ADAM33: variants seen among roughly 807,000 people sequenced by gnomAD.
The protein encoded by ADAM33 is ADAM metallopeptidase domain 33.
Under a neutral mutation model 106.2 loss-of-function variants are expected in ADAM33, and 103 were observed. That is an observed-to-expected ratio of 0.97 (90% CI 0.83 to 1.14). The LOEUF (loss-of-function observed/expected upper bound fraction) is 1.14, where lower values mean the gene tolerates loss of function less well. ADAM33 is among the 50% of genes most tolerant of loss of function. The pLI, the probability that ADAM33 is intolerant of heterozygous loss-of-function variation, is 0.00. For missense variants in ADAM33, 1,120 were observed against 1,096.6 expected, an observed-to-expected ratio of 1.02 and a Z score of -0.30; for synonymous variants, 483 against 453.0, an observed-to-expected ratio of 1.07 and a Z score of -0.84.
intron 4 of ADAM33, 33 bp downstream of exon 4, chr20:3,674,994 C>T (rs563748812): frequency 1.1e-4 from 175 of 1,612,946 alleles, no homozygotes; most frequent in Middle Eastern, 6.6e-4. Context: ...GTACCTCTGG[C>T]GGTGCATCCC....
At chr20:3,673,276 G>A (rs749632127) in intron 11 of ADAM33, 78 bp downstream of exon 11, 2 of 1,534,164 alleles carry the variant, frequency 1.3e-6, no homozygotes, top group African/African-American at 1.4e-5. Flanking sequence ...GGAAACTGAG[G>A]GACGACCAAA....
chr20:3,669,267 G>C lies in ADAM33; in HGVS notation c.2404+32C>G, dbSNP rs758884444. 7.1e-6 allele frequency: 11 copies of C among 1,553,532 alleles called. No individual in the cohort carries two copies. In the Admixed American group the frequency reaches 1.3e-4, roughly 19 times the overall value. The stretch of plus-strand genomic sequence containing the variant: ...AGAGGTGGGAGGGTGGGCGATGAGA[G>C]GGGGAGGCTTTGAATCCAGGTCCCT... On this transcript the variant is annotated intron_variant, in intron 21 of 21. Transcript: ENST00000356518.
In ADAM33 at chr20:3,675,986, C is replaced by T. The variant is rs562016356; in HGVS notation, c.255-881G>A. 6.6e-6 allele frequency among the ~76,000 whole-genome samples: 1 copy of T among 152,036 alleles called. No individual in the cohort carries two copies. The highest frequency in any genetic ancestry group is 1.9e-4 in the East Asian group (1 of 5,174). On this transcript the variant is annotated intron_variant, in intron 3 of 21. Coordinates refer to ENST00000356518, the MANE Select transcript of ADAM33 (RefSeq NM_025220.5). This position sits in a 1 kb window ranked among gnomAD's most constrained non-coding sequence, Gnocchi z 4.1. ...CACCCCATTGAAAGGGTAGGGACGT[C>T]GGGAAAATATGGTTGGGCACAGTGG...
Position 3,671,335 on chromosome 20 carries a change from C to G in ADAM33, c.1994G>C (p.Ser665Thr), listed in dbSNP as rs1389933158. 1 of 1,613,676 alleles carries G rather than the reference C, an allele frequency of 6.2e-7. No individual in the cohort carries two copies. The highest frequency in any genetic ancestry group is 1.3e-5 in the African/African-American group (1 of 74,942). The change falls in exon 18 of 22, where the codon AGC becomes ACC. Residue 665 changes from serine to threonine, a missense_variant. Coordinates refer to ENST00000356518, the MANE Select transcript of ADAM33 (RefSeq NM_025220.5). Reference sequence around the variant, plus strand: ...TGGAGCACAGTGGCAGTTATGGTTGCTATTGCAAACCTGCAGAGAAGAGAA... The same window carrying G: ...TGGAGCACAGTGGCAGTTATGGTTGGTATTGCAAACCTGCAGAGAAGAGAA... ...TACHSHGVCN[S>T]NHNCHCAPGW... is the part of the protein sequence containing the mutation.
At chr20:3,669,216 T>G in intron 21 of ADAM33, 83 bp downstream of exon 21, 3 of 1,316,786 alleles carry the variant, frequency 2.3e-6, no homozygotes, top group South Asian at 1.4e-5. Context: ...GAAACCTGAT[T>G]AGGGGGCAGC....
intron 10 of ADAM33, 28 bp from the exon 11 acceptor site, chr20:3,673,524 G>T (rs757691181): frequency 1.5e-5 from 22 of 1,462,506 alleles, no homozygotes; most frequent in Non-Finnish European, 1.9e-5. Flanking sequence ...GGCGGTCACT[G>T]CGGCCGTAGA....
At chr20:3,678,157 A>T (rs41343744) in intron 2 of ADAM33, among the ~76,000 whole-genome samples, 49 of 152,358 alleles carry the variant, frequency 3.2e-4, no homozygotes, top group African/African-American at 1.2e-3. Flanking sequence ...ACCGGGAAAA[A>T]GGCCATACTC....
intron 3 of ADAM33, among the ~76,000 whole-genome samples, chr20:3,676,746 G>A (rs563381246): frequency 6.6e-6 from 1 of 152,208 alleles, no homozygotes; most frequent in African/African-American, 2.4e-5. Flanking sequence ...CTGGGGTGCC[G>A]GCTCATCTTT....
Position 3,681,965 on chromosome 20 carries a change from G to GCAA in ADAM33, c.37_39dup (p.Leu22dup), listed in dbSNP as rs1206304430. ...AGCAGCAGCAGTAGTAGCAGCAGCA[G>GCAA]CAACGGGGTCCCCCGAGCTCTCCGG... On this transcript the variant is annotated inframe_insertion, in exon 1 of 22. Coordinates refer to ENST00000356518, the MANE Select transcript of ADAM33 (RefSeq NM_025220.5). 6.4e-7 allele frequency: 1 copy of GCAA among 1,554,392 alleles called. No homozygotes were observed. The highest frequency in any genetic ancestry group is 2.5e-5 in the East Asian group (1 of 40,278).
chr20:3,673,201 C>T (rs1292272389), intron 11 of ADAM33, 153 bp downstream of exon 11: 11 of 1,526,652 alleles, frequency 7.2e-6, no homozygotes, highest in Non-Finnish European at 9.6e-6. Flanking sequence ...TGAGCTTCTT[C>T]CCTTTAAGCC....
chr20:3,679,644 G>T, intron 1 of ADAM33, 73 bp from the exon 2 acceptor site: 2 of 1,378,346 alleles, frequency 1.5e-6, no homozygotes, highest in South Asian at 1.3e-5. Flanking sequence ...CAGAGGGAGG[G>T]GGGTAGAGGA....
Position 3,675,188 on chromosome 20 carries a change from G to A in ADAM33, c.255-83C>T, listed in dbSNP as rs1394109437. On this transcript the variant is annotated intron_variant, in intron 3 of 21. Transcript: ENST00000356518. The surrounding 1 kb of genome is among the most constrained non-coding windows in gnomAD (Gnocchi z 4.1). Reference sequence around the variant, plus strand: ...TGTCTCCCAGCCTTCCTCCCTAAATGCTAATGGAGCAGCTTTATGAGTGAG... The same window carrying A: ...TGTCTCCCAGCCTTCCTCCCTAAATACTAATGGAGCAGCTTTATGAGTGAG... The A allele has an allele frequency of 1.9e-6, 2 of 1,036,336 alleles. No homozygotes were observed. Among genetic ancestry groups the A allele is most frequent in the Non-Finnish European group, 2.9e-6 (2 of 685,012 alleles). The allele number at this position is 1,036,336 out of a possible 1,614,324, so 64.2% of individuals were successfully genotyped here. A position where few individuals can be genotyped will look rare whatever the true frequency, so the allele number is the denominator to read the frequency against.
At chr20:3,669,766 CAA>C (rs1411409243) in intron 19 of ADAM33, 129 bp from the exon 20 acceptor site, 1 of 844,558 alleles carries the variant, frequency 1.2e-6, no homozygotes, top group Admixed American at 2.0e-5. Flanking sequence ...CCATCTGCTC[CAA>C]GTCACCCTCT....
At chr20:3,671,216 A>G in intron 18 of ADAM33, 21 bp downstream of exon 18, 1 of 1,613,240 alleles carries the variant, frequency 6.2e-7, no homozygotes, top group Non-Finnish European at 8.5e-7. Context: ...GCTCCTGCCC[A>G]CATGCCCCCC....
chr20:3,672,052 C>T, intron 14 of ADAM33, 67 bp from the exon 15 acceptor site: 1 of 1,563,308 alleles, frequency 6.4e-7, no homozygotes, highest in Non-Finnish European at 8.7e-7. Flanking sequence ...CCTCAGTTTC[C>T]CCTGCCCATC....
rs183430480 is a variant in ADAM33, at chr20:3,678,086, A to G, written c.178-943T>C. On this transcript the variant is annotated intron_variant, in intron 2 of 21. Coordinates refer to ENST00000356518, the MANE Select transcript of ADAM33 (RefSeq NM_025220.5). ...TGCCTCCCTGGCCACAGGCCCCACA[A>G]GGCCTCCAGCATGAGCTCATGAGGC... is the stretch of plus-strand genomic sequence containing the variant. Among the ~76,000 whole-genome samples the G allele has an allele frequency of 8.3e-3, 1,262 of 152,210 alleles. 15 individuals carry two copies. Among genetic ancestry groups the G allele is most frequent in the African/African-American group, 0.023 (969 of 41,542 alleles).
chr20:3,680,764 GGTGTGGTGTGGGTGCA>G (rs2088422507), intron 1 of ADAM33, among the ~76,000 whole-genome samples: 1 of 152,224 alleles, frequency 6.6e-6, no homozygotes, highest in African/African-American at 2.4e-5. Flanking sequence ...CCCGGGCACA[GGTGTGGTGTGGGTGCA>G]GTGTGGTGTG....
At chr20:3,678,302 T>C (rs1001371888) in intron 2 of ADAM33, among the ~76,000 whole-genome samples, 6 of 152,212 alleles carry the variant, frequency 3.9e-5, no homozygotes, top group Non-Finnish European at 7.3e-5. Flanking sequence ...CTCTACTCTT[T>C]CTTCTGTACC....
At chr20:3,679,601 G>C (rs769863420) in intron 1 of ADAM33, 30 bp from the exon 2 acceptor site, 3 of 1,580,516 alleles carry the variant, frequency 1.9e-6, no homozygotes, top group African/African-American at 2.7e-5. Flanking sequence ...CAGGGTGAGG[G>C]GGACCTGAGG....
Sources: allele counts gnomAD v4.1 joint callset (sites outside exome capture counted in the v4.1 genomes callset), GRCh38; gene constraint gnomAD v4.1.1; non-coding constraint Gnocchi (gnomAD v3.1); transcripts MANE v1.5; gene names NCBI Gene and HGNC (gene_info 2026-07-23, HGNC 2026-07-21).